The following ZNF420 variants were observed in gnomAD, a reference collection of about 807,000 sequenced individuals.
ZNF420 encodes zinc finger protein 420, also known as ATM and p53-associated KZNF protein.
A neutral mutation model predicts 44.7 loss-of-function variants in ZNF420; 31 were observed. The ratio of observed to expected loss-of-function variants is 0.69; its 90% CI spans 0.52 to 0.94. The LOEUF is 0.94. Among genes scored for constraint, ZNF420 ranks in the 40% least tolerant of loss-of-function variants. The pLI, the probability that ZNF420 is intolerant of heterozygous loss-of-function variation, is 0.00. For missense variants in ZNF420, 681 were observed against 827.9 expected (o/e 0.82, Z 2.18); for synonymous variants, 245 against 267.4 (o/e 0.92, Z 0.82).
intron 1 of ZNF420, among the ~76,000 whole-genome samples, chr19:37,072,557 A>G (rs966406221): frequency 3.3e-5 from 5 of 152,220 alleles, no homozygotes; most frequent in African/African-American, 9.6e-5. Flanking sequence ...GAATTCAGTT[A>G]TCTCTACTCC....
chr19:37,082,942 A>G (rs888980788), intron 2 of ZNF420, among the ~76,000 whole-genome samples: 2 of 152,230 alleles, frequency 1.3e-5, no homozygotes, highest in African/African-American at 2.4e-5. Context: ...GAAGAAGTCT[A>G]GTGTCCATTT....
intron 4 of ZNF420, among the ~76,000 whole-genome samples, chr19:37,116,494 G>A (rs1970696239): frequency 6.6e-6 from 1 of 151,980 alleles, no homozygotes; most frequent in Non-Finnish European, 1.5e-5. Context: ...TGGCCAAATA[G>A]GAACAGCTCT....
intron 1 of ZNF420, among the ~76,000 whole-genome samples, chr19:37,015,664 G>T (rs2074604083): frequency 6.6e-6 from 1 of 152,196 alleles, no homozygotes; most frequent in African/African-American, 2.4e-5. Context: ...ACACCAGCAG[G>T]ACAGGTGCAG....
intron 1 of ZNF420, among the ~76,000 whole-genome samples, chr19:37,018,617 G>C (rs1378801674): frequency 6.6e-6 from 1 of 152,178 alleles, no homozygotes; most frequent in East Asian, 1.9e-4. Context: ...GCCCAGGCTA[G>C]AGTGCAGTGG....
At chr19:37,087,287 AAAAAAATAAATAAATAAAT>A (rs1217894452) in intron 2 of ZNF420, among the ~76,000 whole-genome samples, 136 of 119,016 alleles carry the variant, frequency 1.1e-3, no homozygotes, top group African/African-American at 2.9e-3. Context: ...TGTCTCAAAA[AAAAAAATAAATAAATAAAT>A]AAATAAATAA....
intron 1 of ZNF420, among the ~76,000 whole-genome samples, chr19:37,056,133 G>A (rs569879762): frequency 2.6e-5 from 4 of 151,946 alleles, no homozygotes; most frequent in East Asian, 1.9e-4. Context: ...GCAGGGAGCC[G>A]AAGGGACGGG....
chr19:37,090,002 A>G (rs1393524115), intron 3 of ZNF420, among the ~76,000 whole-genome samples: 1 of 152,170 alleles, frequency 6.6e-6, no homozygotes. Flanking sequence ...TTTTATACAA[A>G]TCTTATTTTA....
chr19:37,117,161 G>A (rs1302370089), intron 4 of ZNF420, among the ~76,000 whole-genome samples: 1 of 149,732 alleles, frequency 6.7e-6, no homozygotes, highest in African/African-American at 2.5e-5. Context: ...GCCTCCTCAA[G>A]TGGGTCCCTG....
chr19:37,029,498 A>G (rs974160447), intron 1 of ZNF420, among the ~76,000 whole-genome samples: 1 of 151,352 alleles, frequency 6.6e-6, no homozygotes, highest in Non-Finnish European at 1.5e-5. Context: ...CAATATTTTA[A>G]TTTTGTTTTG....
chr19:37,012,288 G>A (rs1445844752), intron 1 of ZNF420, among the ~76,000 whole-genome samples: 1 of 152,272 alleles, frequency 6.6e-6, no homozygotes, highest in East Asian at 1.9e-4. Flanking sequence ...AGGGGCCGCA[G>A]CCTGACTTCC....
chr19:37,053,180 A>C (rs1236253709), intron 1 of ZNF420, among the ~76,000 whole-genome samples: 1 of 152,018 alleles, frequency 6.6e-6, no homozygotes, highest in African/African-American at 2.4e-5. Flanking sequence ...TGCATTCATC[A>C]CATAGTTTTC....
At chr19:37,093,464 G>A (rs1054335932) in intron 4 of ZNF420, among the ~76,000 whole-genome samples, 3 of 151,996 alleles carry the variant, frequency 2.0e-5, no homozygotes, top group Non-Finnish European at 2.9e-5. Context: ...CTCGTGATCC[G>A]CCCACCTCCC....
chr19:37,043,324 G>A (rs1967490860), intron 1 of ZNF420, among the ~76,000 whole-genome samples: 2 of 152,168 alleles, frequency 1.3e-5, no homozygotes, highest in South Asian at 4.1e-4. Flanking sequence ...GGGACAAATC[G>A]AGGAAATGAA....
intron 1 of ZNF420, among the ~76,000 whole-genome samples, chr19:37,067,083 A>G (rs1276567594): frequency 6.6e-6 from 1 of 152,220 alleles, no homozygotes; most frequent in African/African-American, 2.4e-5. Context: ...ACGAAGTTCT[A>G]GAAGAGACAA....
chr19:37,122,176 T>C (rs1362070004), intron 4 of ZNF420, among the ~76,000 whole-genome samples: 8 of 152,244 alleles, frequency 5.3e-5, no homozygotes, highest in East Asian at 1.9e-4. Flanking sequence ...ATGTTTATTG[T>C]GGCACTATTC....
chr19:37,087,279 T>C (rs542638166), intron 2 of ZNF420, among the ~76,000 whole-genome samples: 1 of 22,040 alleles, frequency 4.5e-5, no homozygotes, highest in East Asian at 8.8e-4. Flanking sequence ...TGAGACCCTG[T>C]CTCAAAAAAA....
intron 1 of ZNF420, among the ~76,000 whole-genome samples, chr19:37,008,962 G>A (rs1340614901): frequency 6.6e-6 from 1 of 152,156 alleles, no homozygotes; most frequent in Non-Finnish European, 1.5e-5. Flanking sequence ...GAAGATCCTG[G>A]AGCTCTGGGC....
intron 3 of ZNF420, among the ~76,000 whole-genome samples, chr19:37,090,717 C>T (rs958383345): frequency 9.2e-5 from 14 of 151,790 alleles, no homozygotes; most frequent in Non-Finnish European, 5.9e-5. Context: ...GTCAGGAGTT[C>T]GAGACTAGCC....
chr19:37,124,501 CATT>C (rs1357613096), intron 4 of ZNF420, among the ~76,000 whole-genome samples: 2 of 152,152 alleles, frequency 1.3e-5, no homozygotes, highest in Non-Finnish European at 2.9e-5. Flanking sequence ...GTATGTTTAA[CATT>C]ATAAGAAACT....
Sources: allele counts gnomAD v4.1 joint callset (sites outside exome capture counted in the v4.1 genomes callset), GRCh38; gene constraint gnomAD v4.1.1; transcripts MANE v1.5; gene names NCBI Gene and HGNC (gene_info 2026-07-23, HGNC 2026-07-21).